CDH6: variants seen among roughly 807,000 people sequenced by gnomAD.
The protein encoded by CDH6 is cadherin 6.
In CDH6, 31 loss-of-function variants were observed where a neutral mutation model predicts 78.0. The ratio of observed to expected loss-of-function variants is 0.40; its 90% CI spans 0.30 to 0.54. The LOEUF is 0.54. Ranked by LOEUF, CDH6 falls within the 20% of genes least tolerant of loss-of-function variation. CDH6 has a pLI of 0.56. For synonymous variants in CDH6, 376 were observed against 368.8 expected, an observed-to-expected ratio of 1.02 and a Z score of -0.23; for missense variants, 724 against 975.9, an observed-to-expected ratio of 0.74 and a Z score of 3.44.
intron 1 of CDH6, among the ~76,000 whole-genome samples, chr5:31,197,850 G>T (rs1175959630): frequency 6.6e-6 from 1 of 151,942 alleles, no homozygotes; most frequent in Non-Finnish European, 1.5e-5. Context: ...TAATATTTTT[G>T]TTCCAGCTTG....
At chr5:31,236,434 G>A (rs539001036) in intron 1 of CDH6, among the ~76,000 whole-genome samples, 6 of 152,250 alleles carry the variant, frequency 3.9e-5, no homozygotes, top group African/African-American at 1.4e-4. Context: ...CACACAATAT[G>A]AATGAAGGTG....
intron 1 of CDH6, among the ~76,000 whole-genome samples, chr5:31,221,752 G>A (rs940337049): frequency 5.3e-5 from 8 of 152,150 alleles, no homozygotes; most frequent in African/African-American, 1.9e-4. Context: ...AAGGTACTGG[G>A]GAGAGAGTTG....
rs539692845 is a variant in CDH6, at chr5:31,328,296, A to G, written c.*4988A>G. 2 of 201,566 alleles carry G rather than the reference A, an allele frequency of 9.9e-6. No homozygotes were observed. Among genetic ancestry groups the G allele is most frequent in the African/African-American group, 4.6e-5 (2 of 43,428 alleles). 12.5% of individuals were successfully genotyped at this position (201,566 alleles called of 1,614,324 possible). A position where few individuals can be genotyped will look rare whatever the true frequency, so the allele number is the denominator to read the frequency against. ...CTTGTGGAAAAAGCATTCCACGCTA[A>G]TGAGATCTTGGTCTTTCTTGTGAGG... On this transcript the variant is annotated 3_prime_UTR_variant, in exon 12 of 12. Transcript: ENST00000265071.
chr5:31,202,905 GCTCCCC>G (rs1190109590), intron 1 of CDH6, among the ~76,000 whole-genome samples: 11 of 151,400 alleles, frequency 7.3e-5, no homozygotes, highest in Non-Finnish European at 1.6e-4. Flanking sequence ...AATATTCTAA[GCTCCCC>G]TTAGCAACAG....
chr5:31,195,759 C>A (rs1311725597), intron 1 of CDH6, among the ~76,000 whole-genome samples: 1 of 152,160 alleles, frequency 6.6e-6, no homozygotes, highest in Non-Finnish European at 1.5e-5. Context: ...ATCTCATCCC[C>A]TTTTGCTCTT....
chr5:31,302,492 G>A, intron 6 of CDH6, 194 bp downstream of exon 6: 1 of 458,110 alleles, frequency 2.2e-6, no homozygotes, highest in South Asian at 4.2e-5. Flanking sequence ...GGGGGCCAAG[G>A]CAGGAGGATC....
At chr5:31,274,875 G>A (rs1454313902) in intron 2 of CDH6, among the ~76,000 whole-genome samples, 4 of 152,160 alleles carry the variant, frequency 2.6e-5, no homozygotes, top group Admixed American at 6.5e-5. Flanking sequence ...TGAAGAGTTT[G>A]GATCCTTTTT....
chr5:31,296,688 GTATT>G (rs1737613160), intron 3 of CDH6, among the ~76,000 whole-genome samples: 1 of 152,088 alleles, frequency 6.6e-6, no homozygotes, highest in Non-Finnish European at 1.5e-5. Flanking sequence ...CAACAAATAA[GTATT>G]TATTTGTCAC....
chr5:31,258,938 T>A (rs1407265932), intron 1 of CDH6, among the ~76,000 whole-genome samples: 2 of 152,196 alleles, frequency 1.3e-5, no homozygotes, highest in African/African-American at 4.8e-5. Flanking sequence ...ATGCATGAAT[T>A]GGGATCTGGC....
intron 2 of CDH6, among the ~76,000 whole-genome samples, chr5:31,277,626 T>C (rs1742734328): frequency 6.6e-6 from 1 of 152,174 alleles, no homozygotes. Flanking sequence ...TCAAATTGGA[T>C]CCCAGGCCTA....
At chr5:31,297,919 T>G (rs1214020464) in intron 4 of CDH6, among the ~76,000 whole-genome samples, 1 of 152,190 alleles carries the variant, frequency 6.6e-6, no homozygotes, top group Non-Finnish European at 1.5e-5. Flanking sequence ...AATGTTGAGA[T>G]GTAGTCTGTA....
chr5:31,287,917 A>G (rs1443509056), intron 2 of CDH6, among the ~76,000 whole-genome samples: 1 of 152,202 alleles, frequency 6.6e-6, no homozygotes, highest in East Asian at 1.9e-4. Flanking sequence ...CAAAAACATA[A>G]TGGTTGTAGT....
At chr5:31,299,711 C>T (rs1737708879) in intron 5 of CDH6, 80 bp downstream of exon 5, 1 of 1,258,906 alleles carries the variant, frequency 7.9e-7, no homozygotes, top group African/African-American at 1.5e-5. Flanking sequence ...TTTCCATTGT[C>T]ATCATTATTG....
chr5:31,223,087 A>T (rs770321689), intron 1 of CDH6, among the ~76,000 whole-genome samples: 15 of 152,134 alleles, frequency 9.9e-5, no homozygotes, highest in Non-Finnish European at 1.5e-4. Flanking sequence ...CTCTCAAGCT[A>T]CACAGTGTCT....
intron 1 of CDH6, among the ~76,000 whole-genome samples, chr5:31,235,583 A>C (rs1741435017): frequency 6.6e-6 from 1 of 152,210 alleles, no homozygotes; most frequent in South Asian, 2.1e-4. Flanking sequence ...GAAACAGCGA[A>C]TGTTATGCAT....
chr5:31,199,496 A>G (rs973337426), intron 1 of CDH6, among the ~76,000 whole-genome samples: 21 of 115,894 alleles, frequency 1.8e-4, no homozygotes, highest in African/African-American at 5.9e-4. Context: ...ATGTACACAC[A>G]CATATGTGTA....
intron 6 of CDH6, among the ~76,000 whole-genome samples, chr5:31,303,416 C>A (rs1737888410): frequency 6.6e-6 from 1 of 152,164 alleles, no homozygotes; most frequent in Non-Finnish European, 1.5e-5. Context: ...AATTAAATAC[C>A]ATAACAAATT....
chr5:31,313,289 C>T, intron 7 of CDH6, 29 bp from the exon 8 acceptor site: 1 of 1,586,470 alleles, frequency 6.3e-7, no homozygotes, highest in Non-Finnish European at 8.6e-7. Context: ...GAAAGAAAAG[C>T]CTTTCTTAAT....
chr5:31,255,889 A>G (rs1020534737), intron 1 of CDH6, among the ~76,000 whole-genome samples: 1 of 152,230 alleles, frequency 6.6e-6, no homozygotes, highest in Non-Finnish European at 1.5e-5. Context: ...CAGCAAGTGG[A>G]GCTTTGATTA....
Sources: gnomAD v4.1 joint callset for allele counts (sites outside exome capture counted in the v4.1 genomes callset) on GRCh38, gnomAD v4.1.1 for gene constraint, MANE v1.5 for transcripts, NCBI Gene and HGNC (gene_info 2026-07-23, HGNC 2026-07-21) for gene names.